Variants in TM9SF3 observed in about 807,000 individuals in gnomAD.
TM9SF3 encodes transmembrane 9 superfamily member 3, also known as SM-11044-binding protein.
A neutral mutation model predicts 78.6 loss-of-function variants in TM9SF3; 14 were observed. The observed-to-expected ratio is 0.18, with a 90% confidence interval of 0.12 to 0.28. The LOEUF (loss-of-function observed/expected upper bound fraction) is 0.28. Among genes scored for constraint, TM9SF3 ranks in the 10% least tolerant of loss-of-function variants. The pLI is 1.00. For missense variants in TM9SF3, 496 were observed against 721.9 expected (o/e 0.69, Z 3.59); for synonymous variants, 231 against 241.7 (o/e 0.96, Z 0.41).
chr10:96,563,225 G>T (rs1439823658), intron 3 of TM9SF3, among the ~76,000 whole-genome samples: 1 of 152,058 alleles, frequency 6.6e-6, no homozygotes, highest in African/African-American at 2.4e-5. Context: ...ACAGGCAAGT[G>T]CCACCACGCC....
intron 2 of TM9SF3, among the ~76,000 whole-genome samples, chr10:96,571,031 C>G (rs192666486): frequency 2.0e-5 from 3 of 152,152 alleles, no homozygotes; most frequent in Non-Finnish European, 4.4e-5. Flanking sequence ...TGAGCCACCA[C>G]CCCCGGCCAT....
rs558576247 is a variant in TM9SF3 at position 96,519,511 on chromosome 10, T to C, written c.*2752A>G. ...TTGTATTAGGATATATGTATACAAA[T>C]GTCAACTACTAATGTAGTTAAATTT... On this transcript the variant is annotated 3_prime_UTR_variant, in exon 15 of 15. Coordinates refer to ENST00000371142, the MANE Select transcript of TM9SF3 (RefSeq NM_020123.4). 6.6e-6 allele frequency: 1 copy of C among 152,092 alleles called. No homozygotes were observed. The highest frequency in any genetic ancestry group is 1.9e-4 in the East Asian group (1 of 5,184). The allele number at this position is 152,092 out of a possible 1,614,324, so 9.4% of individuals were successfully genotyped here. A position where few individuals can be genotyped will look rare whatever the true frequency, so the allele number is the denominator to read the frequency against.
intron 5 of TM9SF3, among the ~76,000 whole-genome samples, chr10:96,558,320 C>T (rs918775051): frequency 1.1e-4 from 16 of 151,960 alleles, no homozygotes; most frequent in Non-Finnish European, 2.1e-4. Flanking sequence ...AATTTTAGCT[C>T]CAAGAGTAGT....
At chr10:96,524,044 G>C (rs1299108551) in intron 14 of TM9SF3, among the ~76,000 whole-genome samples, 2 of 151,564 alleles carry the variant, frequency 1.3e-5, no homozygotes, top group African/African-American at 4.8e-5. Context: ...TAAAAGGGGG[G>C]GATACAAAGT....
intron 7 of TM9SF3, among the ~76,000 whole-genome samples, chr10:96,548,540 G>A (rs564768749): frequency 6.6e-6 from 1 of 152,220 alleles, no homozygotes; most frequent in East Asian, 1.9e-4. Context: ...GCTCACACCT[G>A]TAATCCGAGC....
intron 9 of TM9SF3, among the ~76,000 whole-genome samples, chr10:96,537,620 G>T (rs1200558706): frequency 6.6e-6 from 1 of 152,188 alleles, no homozygotes; most frequent in African/African-American, 2.4e-5. Context: ...ATCACCTAAG[G>T]TCAGGAGTTC....
intron 1 of TM9SF3, among the ~76,000 whole-genome samples, chr10:96,584,234 G>A (rs1055220406): frequency 6.6e-6 from 1 of 152,106 alleles, no homozygotes; most frequent in African/African-American, 2.4e-5. Context: ...CCACACCAAT[G>A]TCTCCTCTTC....
At chr10:96,559,366 C>T (rs1848274196) in intron 5 of TM9SF3, among the ~76,000 whole-genome samples, 1 of 152,182 alleles carries the variant, frequency 6.6e-6, no homozygotes. Context: ...ATTCATTGTG[C>T]AACGCAGCCA....
rs1356865285 is a variant in TM9SF3, at chr10:96,547,929, A to G, written c.1020T>C (p.Gly340=). The G allele has an allele frequency of 1.2e-6, 2 of 1,613,778 alleles. No homozygotes were observed. The highest frequency in any genetic ancestry group is 2.2e-5 in the East Asian group (1 of 44,862). The change falls in exon 8 of 15, where the codon GGT becomes GGC. Residue 340 remains glycine (G), a synonymous_variant. Transcript: ENST00000371142. ...TAGCATACAGACTTCCTCCAAAATA[A>G]CCATTCACTGGAGACGTAGCAGCAT... The part of the protein sequence containing the change: ...FVYAATSPVN[G]YFGGSLYARQ...
chr10:96,567,062 A>T (rs1045774924), intron 2 of TM9SF3, among the ~76,000 whole-genome samples: 1 of 148,142 alleles, frequency 6.8e-6, no homozygotes, highest in African/African-American at 2.5e-5. Flanking sequence ...TATATACAGT[A>T]TGGCATTTAT....
chr10:96,581,292 G>T (rs1029179830), intron 1 of TM9SF3, among the ~76,000 whole-genome samples: 1 of 152,114 alleles, frequency 6.6e-6, no homozygotes, highest in Non-Finnish European at 1.5e-5. Flanking sequence ...ATATGCTGAC[G>T]TGGTCATGTG....
chr10:96,525,921 G>A (rs1221770142), intron 14 of TM9SF3, among the ~76,000 whole-genome samples: 2 of 152,058 alleles, frequency 1.3e-5, no homozygotes, highest in African/African-American at 2.4e-5. Flanking sequence ...GTTCTGAGAT[G>A]AAAACACAAG....
intron 9 of TM9SF3, among the ~76,000 whole-genome samples, chr10:96,535,289 G>A (rs944931085): frequency 6.6e-6 from 1 of 152,066 alleles, no homozygotes; most frequent in Non-Finnish European, 1.5e-5. Context: ...TCTGGATGAA[G>A]TTACTTGAAA....
At chr10:96,572,728 C>A (rs1329478840) in intron 2 of TM9SF3, among the ~76,000 whole-genome samples, 4 of 151,812 alleles carry the variant, frequency 2.6e-5, no homozygotes, top group Non-Finnish European at 5.9e-5. Flanking sequence ...TGGGGTTTCA[C>A]CGTGGTCTCG....
At chr10:96,579,325 C>T (rs1156675726) in intron 1 of TM9SF3, among the ~76,000 whole-genome samples, 1 of 152,186 alleles carries the variant, frequency 6.6e-6, no homozygotes, top group East Asian at 1.9e-4. Flanking sequence ...TTGCCATTAA[C>T]CCTGCTGAGT....
At chr10:96,580,264 T>TTGTGTGTGTGTG (rs34141133) in intron 1 of TM9SF3, among the ~76,000 whole-genome samples, 3 of 150,690 alleles carry the variant, frequency 2.0e-5, no homozygotes, top group African/African-American at 7.3e-5. Flanking sequence ...TGCTTCATCT[T>TTGTGTGTGTGTG]TGTGTGTGTG....
intron 10 of TM9SF3, 88 bp from the exon 11 acceptor site, chr10:96,530,696 T>TA: frequency 1.7e-6 from 2 of 1,193,284 alleles, no homozygotes; most frequent in African/African-American, 1.6e-5. Context: ...ACTTGACACT[T>TA]AAAAAATCAT....
chr10:96,575,022 T>C (rs965688274), intron 2 of TM9SF3, among the ~76,000 whole-genome samples: 1 of 151,822 alleles, frequency 6.6e-6, no homozygotes, highest in Non-Finnish European at 1.5e-5. Context: ...TGTATTCCTA[T>C]GTATCAAAAC....
intron 5 of TM9SF3, among the ~76,000 whole-genome samples, chr10:96,558,741 C>A (rs2134148572): frequency 6.6e-6 from 1 of 151,950 alleles, no homozygotes; most frequent in Non-Finnish European, 1.5e-5. Flanking sequence ...CCGGTAGAGT[C>A]TAAGAATGGA....
Sources: allele counts gnomAD v4.1 joint callset (sites outside exome capture counted in the v4.1 genomes callset), GRCh38; gene constraint gnomAD v4.1.1; transcripts MANE v1.5; gene names NCBI Gene and HGNC (gene_info 2026-07-23, HGNC 2026-07-21).